The following PDGFC variants were observed in gnomAD, a reference collection of about 807,000 sequenced individuals.
PDGFC encodes platelet derived growth factor C.
A neutral mutation model predicts 35.5 loss-of-function variants in PDGFC; 12 were observed. The ratio of observed to expected loss-of-function variants is 0.34; its 90% CI spans 0.22 to 0.55. PDGFC has a LOEUF of 0.55. Ranked by LOEUF, PDGFC falls within the 20% of genes least tolerant of loss-of-function variation. The pLI, the probability that PDGFC is intolerant of heterozygous loss-of-function variation, is 0.91. For missense variants in PDGFC, 322 were observed against 412.4 expected, an observed-to-expected ratio of 0.78 and a Z score of 1.90; for synonymous variants, 159 against 148.8, an observed-to-expected ratio of 1.07 and a Z score of -0.50.
At chr4:156,950,382 C>A (rs1303969839) in intron 1 of PDGFC, among the ~76,000 whole-genome samples, 1 of 151,758 alleles carries the variant, frequency 6.6e-6, no homozygotes, top group Non-Finnish European at 1.5e-5. Context: ...ATTAGTTTCC[C>A]CATGTTTTTT....
chr4:156,840,878 T>G (rs2111053993), intron 2 of PDGFC, among the ~76,000 whole-genome samples: 1 of 152,260 alleles, frequency 6.6e-6, no homozygotes, highest in South Asian at 2.1e-4. Context: ...CATGTTATAT[T>G]ACATGTTACA....
intron 1 of PDGFC, among the ~76,000 whole-genome samples, chr4:156,950,518 A>G (rs1732054593): frequency 6.6e-6 from 1 of 151,860 alleles, no homozygotes; most frequent in African/African-American, 2.4e-5. Flanking sequence ...ACTGCTTTTT[A>G]AGATTTTCAC....
At chr4:156,805,074 A>G (rs889440182) in intron 3 of PDGFC, among the ~76,000 whole-genome samples, 9 of 152,050 alleles carry the variant, frequency 5.9e-5, no homozygotes, top group African/African-American at 2.2e-4. Flanking sequence ...GTAGAAATGA[A>G]ACAGAGACAC....
chr4:156,784,157 T>C (rs1482252722), intron 3 of PDGFC, among the ~76,000 whole-genome samples: 1 of 152,154 alleles, frequency 6.6e-6, no homozygotes, highest in African/African-American at 2.4e-5. Flanking sequence ...CATTAACATA[T>C]ACAAATGTCA....
chr4:156,825,595 A>ATAATAG (rs1732438965), intron 2 of PDGFC, among the ~76,000 whole-genome samples: 1 of 76,426 alleles, frequency 1.3e-5, no homozygotes, highest in African/African-American at 5.1e-5. Context: ...AATAATAATA[A>ATAATAG]GAAGAAGAAG....
chr4:156,952,588 A>G (rs1226420822), intron 1 of PDGFC, among the ~76,000 whole-genome samples: 2 of 151,964 alleles, frequency 1.3e-5, no homozygotes, highest in East Asian at 3.9e-4. Flanking sequence ...TGGCAACTAG[A>G]CTAAAATGTA....
intron 1 of PDGFC, among the ~76,000 whole-genome samples, chr4:156,892,733 A>G (rs1373504434): frequency 6.6e-6 from 1 of 152,266 alleles, no homozygotes; most frequent in Non-Finnish European, 1.5e-5. Context: ...GGTTGGATTT[A>G]TAATTTCTCT....
chr4:156,857,819 C>T (rs1047651631), intron 1 of PDGFC, among the ~76,000 whole-genome samples: 6 of 151,988 alleles, frequency 3.9e-5, no homozygotes, highest in Non-Finnish European at 7.4e-5. Context: ...AGATTTCGAA[C>T]TCCTGCACCC....
chr4:156,886,283 A>G (rs1387161413), intron 1 of PDGFC, among the ~76,000 whole-genome samples: 1 of 152,190 alleles, frequency 6.6e-6, no homozygotes, highest in Non-Finnish European at 1.5e-5. Flanking sequence ...TTCTGTTAGT[A>G]AAATGCCAAT....
intron 1 of PDGFC, among the ~76,000 whole-genome samples, chr4:156,948,888 G>A (rs546754481): frequency 2.6e-5 from 4 of 151,892 alleles, no homozygotes; most frequent in South Asian, 2.1e-4. Context: ...TCATTGCCCC[G>A]TATCCCCTGA....
intron 1 of PDGFC, chr4:156,967,609 C>T (rs921904506): frequency 6.6e-6 from 1 of 152,196 alleles, no homozygotes; most frequent in Admixed American, 6.5e-5. Flanking sequence ...CCACCAACAA[C>T]TTTGTCATTG....
chr4:156,782,661 T>C (rs567513907), intron 3 of PDGFC, among the ~76,000 whole-genome samples: 1 of 152,236 alleles, frequency 6.6e-6, no homozygotes, highest in Admixed American at 6.5e-5. Context: ...GTCACCACAC[T>C]AAAATGAGAT....
chr4:156,838,726 G>C (rs895740225), intron 2 of PDGFC, among the ~76,000 whole-genome samples: 2 of 152,130 alleles, frequency 1.3e-5, no homozygotes, highest in Non-Finnish European at 2.9e-5. Context: ...ACAATCACTT[G>C]CTGATATGAT....
At chr4:156,828,028 G>A (rs1381999592) in intron 2 of PDGFC, among the ~76,000 whole-genome samples, 7 of 152,128 alleles carry the variant, frequency 4.6e-5, no homozygotes, top group African/African-American at 1.7e-4. Flanking sequence ...AGAAGCTCTC[G>A]TCCCATTGAG....
intron 1 of PDGFC, among the ~76,000 whole-genome samples, chr4:156,946,019 G>C (rs1042250312): frequency 6.6e-6 from 1 of 151,962 alleles, no homozygotes; most frequent in African/African-American, 2.4e-5. Context: ...AGAGGCTTTA[G>C]CCTTGATATT....
intron 1 of PDGFC, among the ~76,000 whole-genome samples, chr4:156,964,273 C>A (rs1321813935): frequency 6.6e-6 from 1 of 151,416 alleles, no homozygotes; most frequent in African/African-American, 2.4e-5. Flanking sequence ...AAATAAACAT[C>A]CTTCATCTAT....
chr4:156,799,233 G>A (rs1560816925), intron 3 of PDGFC, among the ~76,000 whole-genome samples: 2 of 152,116 alleles, frequency 1.3e-5, no homozygotes. Context: ...TTTCCATAAT[G>A]GCTTTTATTC....
intron 1 of PDGFC, among the ~76,000 whole-genome samples, chr4:156,928,828 A>G (rs940878964): frequency 3.3e-5 from 5 of 152,212 alleles, no homozygotes; most frequent in African/African-American, 1.2e-4. Context: ...ACTTTTTCTC[A>G]TATTGGTTAT....
At chr4:156,849,880 C>T (rs1312064580) in intron 2 of PDGFC, among the ~76,000 whole-genome samples, 1 of 151,950 alleles carries the variant, frequency 6.6e-6, no homozygotes, top group African/African-American at 2.4e-5. Flanking sequence ...TTAGCAGTAA[C>T]CGCAACTTTG....
Sources: allele counts gnomAD v4.1 joint callset (sites outside exome capture counted in the v4.1 genomes callset), GRCh38; gene constraint gnomAD v4.1.1; transcripts MANE v1.5; gene names NCBI Gene and HGNC (gene_info 2026-07-23, HGNC 2026-07-21).